WWOX: variants seen among roughly 807,000 people sequenced by gnomAD.
WWOX encodes WW domain-containing oxidoreductase.
In WWOX, 69 loss-of-function variants were observed where a neutral mutation model predicts 46.2. The ratio of observed to expected loss-of-function variants is 1.49; its 90% CI spans 1.23 to 1.82. The LOEUF is 1.82. Among genes scored for constraint, WWOX ranks in the 40% most tolerant of loss-of-function variants. The probability of loss-of-function intolerance (pLI) is 0.00; values close to 1 mark genes in which losing one functional copy is unlikely to be tolerated. For missense variants in WWOX, 919 were observed against 542.6 expected (o/e 1.69, Z -6.89); for synonymous variants, 359 against 202.6 (o/e 1.77, Z -6.56).
intron 8 of WWOX, among the ~76,000 whole-genome samples, chr16:78,974,071 A>G (rs954401054): frequency 6.6e-6 from 1 of 152,238 alleles, no homozygotes; most frequent in African/African-American, 2.4e-5. Flanking sequence ...ACCTTTCTGA[A>G]AAAATCTTGC....
chr16:79,009,510 T>C (rs990973088), intron 8 of WWOX, among the ~76,000 whole-genome samples: 1 of 152,036 alleles, frequency 6.6e-6, no homozygotes, highest in Non-Finnish European at 1.5e-5. Flanking sequence ...CTGTGTCACC[T>C]AGGCTGGAGT....
At chr16:79,209,640 T>C (rs1224564725) in intron 8 of WWOX, among the ~76,000 whole-genome samples, 1 of 152,122 alleles carries the variant, frequency 6.6e-6, no homozygotes, top group Non-Finnish European at 1.5e-5. Flanking sequence ...ATGACAGATA[T>C]CTGGAAGTTG....
intron 8 of WWOX, among the ~76,000 whole-genome samples, chr16:78,728,381 C>A (rs923124555): frequency 6.6e-6 from 1 of 152,024 alleles, no homozygotes; most frequent in Non-Finnish European, 1.5e-5. Flanking sequence ...CCATGGATAA[C>A]ATTTCTATAA....
Position 78,465,609 on chromosome 16 carries a change from C to A in WWOX, c.1056+32857C>A, listed in dbSNP as rs534499512. ...ACCCATAATCTCTGAATTTAACATG[C>A]TTTTCAGGAATGTGTTCATATTTTC... is the stretch of plus-strand genomic sequence containing the variant. On this transcript the variant is annotated intron_variant, in intron 8 of 8. Transcript: ENST00000566780. Among the ~76,000 whole-genome samples, 3 of 152,350 alleles carry A rather than the reference C, an allele frequency of 2.0e-5. No individual in the cohort carries two copies. The East Asian group carries it at 5.8e-4, about 29-fold the overall frequency.
intron 4 of WWOX, chr16:78,123,835 T>G (rs1252628578): frequency 2.0e-5 from 3 of 152,164 alleles, no homozygotes; most frequent in African/African-American, 7.2e-5. Flanking sequence ...TTTATTGTAA[T>G]TAAATTGTTT....
At chr16:78,928,404 G>A (rs954066979) in intron 8 of WWOX, among the ~76,000 whole-genome samples, 2 of 151,698 alleles carry the variant, frequency 1.3e-5, no homozygotes, top group Admixed American at 6.6e-5. Flanking sequence ...GGGTTTCACC[G>A]TGTTAGCCAG....
At chr16:79,174,470 G>A (rs957292570) in intron 8 of WWOX, among the ~76,000 whole-genome samples, 13 of 152,228 alleles carry the variant, frequency 8.5e-5, no homozygotes, top group Admixed American at 5.9e-4. Flanking sequence ...CCAACATAGT[G>A]AAACCCCGTC....
chr16:79,128,485 C>G (rs1249260215), intron 8 of WWOX, among the ~76,000 whole-genome samples: 6 of 152,034 alleles, frequency 3.9e-5, no homozygotes, highest in Non-Finnish European at 7.4e-5. Context: ...AAAATTAAGG[C>G]TCAGAGAGGT....
At chr16:79,205,139 T>C (rs2051466516) in intron 8 of WWOX, 1 of 152,238 alleles carries the variant, frequency 6.6e-6, no homozygotes, top group African/African-American at 2.4e-5. Flanking sequence ...GTGCCTGTCA[T>C]TTAAAAGCTG....
At position 78,806,644 on chromosome 16, in the gene WWOX, C is replaced by T. The variant is rs563505747; in HGVS notation, c.1056+373892C>T. Among the ~76,000 whole-genome samples, 7 of 152,046 alleles carry T rather than the reference C, an allele frequency of 4.6e-5. No homozygotes were observed. In the East Asian group the frequency reaches 7.7e-4, roughly 17 times the overall value. On this transcript the variant is annotated intron_variant, in intron 8 of 8. Coordinates refer to ENST00000566780, the MANE Select transcript of WWOX (RefSeq NM_016373.4). ...ATGGCGGCTGGGTTCCAAGGGTGAG[C>T]GTCCCAAGAGAAAGAACCAAGCAGA...
chr16:78,162,264 G>A (rs533271827), intron 4 of WWOX, among the ~76,000 whole-genome samples: 4 of 152,094 alleles, frequency 2.6e-5, no homozygotes, highest in Non-Finnish European at 4.4e-5. Flanking sequence ...TTCAGCTGTG[G>A]CTTCCATCAT....
At chr16:78,932,046 C>T (rs1567658092) in intron 8 of WWOX, among the ~76,000 whole-genome samples, 1 of 152,232 alleles carries the variant, frequency 6.6e-6, no homozygotes, top group Admixed American at 6.5e-5. Context: ...GAGACTTTCC[C>T]AGCCATGTGG....
intron 1 of WWOX, among the ~76,000 whole-genome samples, chr16:78,105,857 A>C (rs906836632): frequency 1.3e-5 from 2 of 152,132 alleles, no homozygotes; most frequent in Non-Finnish European, 2.9e-5. Context: ...GCTGGACTGC[A>C]GTGGCGTGAT....
At chr16:79,111,813 G>A (rs536978328) in intron 8 of WWOX, among the ~76,000 whole-genome samples, 6 of 152,234 alleles carry the variant, frequency 3.9e-5, no homozygotes, top group African/African-American at 1.2e-4. Flanking sequence ...CATCCCATGA[G>A]CCCAGATGTG....
rs997421857 is a variant in WWOX at position 79,089,494 on chromosome 16, G to C, written c.1057-122114G>C. 2.0e-5 allele frequency among the ~76,000 whole-genome samples: 3 copies of C among 152,062 alleles called. No homozygotes were observed. The South Asian group carries it at 6.2e-4, about 32-fold the overall frequency. Reference sequence around the variant, plus strand: ...CTACAGGCACACGCCACCACGCCTGGCTAATTTTTGTATTTTTAATACAGA... The same window carrying C: ...CTACAGGCACACGCCACCACGCCTGCCTAATTTTTGTATTTTTAATACAGA... On this transcript the variant is annotated intron_variant, in intron 8 of 8. Coordinates refer to ENST00000566780, the MANE Select transcript of WWOX (RefSeq NM_016373.4).
chr16:78,428,772 C>T (rs1321439235), intron 7 of WWOX, among the ~76,000 whole-genome samples: 1 of 152,170 alleles, frequency 6.6e-6, no homozygotes, highest in East Asian at 1.9e-4. Context: ...ACTCAGGAAG[C>T]TGAGGCAGGA....
intron 8 of WWOX, among the ~76,000 whole-genome samples, chr16:79,046,562 G>A (rs2048069055): frequency 6.6e-6 from 1 of 152,194 alleles, no homozygotes; most frequent in African/African-American, 2.4e-5. Context: ...GGTGGGAAGA[G>A]GGTGAGAGAG....
chr16:78,797,940 G>A lies in WWOX; in HGVS notation c.1056+365188G>A, dbSNP rs115081541. Among the ~76,000 whole-genome samples the A allele has an allele frequency of 8.0e-3, 1,221 of 152,258 alleles. 20 individuals carry two copies. Among genetic ancestry groups the A allele is most frequent in the African/African-American group, 0.028 (1,144 of 41,542 alleles). On this transcript the variant is annotated intron_variant, in intron 8 of 8. Coordinates refer to ENST00000566780, the MANE Select transcript of WWOX (RefSeq NM_016373.4). ...GAGGTCAAGACGGTAGTGAGTCATGGTCACACCACTGCCCTCAACCCTGGG... is the reference window on the plus strand; with the variant it reads ...GAGGTCAAGACGGTAGTGAGTCATGATCACACCACTGCCCTCAACCCTGGG...
chr16:79,161,063 C>A (rs1469105425), intron 8 of WWOX, among the ~76,000 whole-genome samples: 2 of 152,206 alleles, frequency 1.3e-5, no homozygotes, highest in African/African-American at 2.4e-5. Flanking sequence ...TATAGGAGAT[C>A]ACTTTTCCGC....
Sources: allele counts gnomAD v4.1 joint callset (sites outside exome capture counted in the v4.1 genomes callset), GRCh38; gene constraint gnomAD v4.1.1; transcripts MANE v1.5; gene names NCBI Gene and HGNC (gene_info 2026-07-23, HGNC 2026-07-21).